Variants in SYN2 observed in about 807,000 individuals in gnomAD.
SYN2 encodes the protein synapsin-2.
A neutral mutation model predicts 50.9 loss-of-function variants in SYN2; 19 were observed. That is an observed-to-expected ratio of 0.37 (90% CI 0.26 to 0.55). The LOEUF (loss-of-function observed/expected upper bound fraction) is 0.55. SYN2 is among the 20% of genes least tolerant of loss of function. The pLI is 0.81. For synonymous variants in SYN2, 255 were observed against 224.9 expected (o/e 1.13, Z -1.20); for missense variants, 587 against 576.4 (o/e 1.02, Z -0.19).
intron 1 of SYN2, among the ~76,000 whole-genome samples, chr3:12,009,257 G>GT (rs1419045727): frequency 6.6e-6 from 1 of 152,074 alleles, no homozygotes; most frequent in East Asian, 1.9e-4. Context: ...GAGAGGGGAT[G>GT]TGGCTTGTTC....
chr3:12,068,498 C>T (rs1413915011), intron 1 of SYN2, among the ~76,000 whole-genome samples: 1 of 152,160 alleles, frequency 6.6e-6, no homozygotes, highest in East Asian at 1.9e-4. Flanking sequence ...TTTTGCTTGA[C>T]TCTCTGGAGC....
At chr3:12,122,111 T>C (rs1174514158) in intron 1 of SYN2, among the ~76,000 whole-genome samples, 1 of 152,226 alleles carries the variant, frequency 6.6e-6, no homozygotes, top group East Asian at 1.9e-4. Flanking sequence ...TCTAGATGAA[T>C]GACCGAACAA....
chr3:12,023,335 A>C (rs1694185725), intron 1 of SYN2, among the ~76,000 whole-genome samples: 1 of 152,078 alleles, frequency 6.6e-6, no homozygotes, highest in African/African-American at 2.4e-5. Context: ...TTTGAAGGTG[A>C]AATTGAAGTT....
intron 1 of SYN2, chr3:12,070,330 AG>A: frequency 2.0e-6 from 1 of 504,122 alleles, no homozygotes. Flanking sequence ...CTCCATCCTT[AG>A]GCGCCCCTGG....
intron 4 of SYN2, among the ~76,000 whole-genome samples, chr3:12,146,990 A>G (rs752606253): frequency 3.9e-5 from 6 of 152,122 alleles, no homozygotes. Context: ...CCCTTCCCCC[A>G]GGTAAAAGGC....
chr3:12,184,326 G>A (rs1698293247), intron 11 of SYN2: 2 of 985,754 alleles, frequency 2.0e-6, no homozygotes, highest in African/African-American at 1.7e-5. Flanking sequence ...CCAGCCATGT[G>A]TGCGCTTGTG....
intron 4 of SYN2, among the ~76,000 whole-genome samples, chr3:12,147,106 G>A (rs1018037925): frequency 1.3e-5 from 2 of 152,118 alleles, no homozygotes; most frequent in South Asian, 2.1e-4. Flanking sequence ...GCTGTCACAC[G>A]CCCTGGATTG....
At chr3:12,057,813 A>C (rs1695027539) in intron 1 of SYN2, among the ~76,000 whole-genome samples, 1 of 152,344 alleles carries the variant, frequency 6.6e-6, no homozygotes, top group Middle Eastern at 3.4e-3. Flanking sequence ...ATACTTAAAA[A>C]TAAACATGTA....
chr3:12,184,306 G>A, intron 11 of SYN2: 1 of 985,246 alleles, frequency 1.0e-6, no homozygotes, highest in Non-Finnish European at 1.2e-6. Flanking sequence ...CATTGTTGCT[G>A]TTTCTGGATC....
intron 1 of SYN2, among the ~76,000 whole-genome samples, chr3:12,065,631 A>G (rs963966037): frequency 6.6e-5 from 10 of 152,138 alleles, no homozygotes; most frequent in Non-Finnish European, 1.0e-4. Flanking sequence ...TTCTCACTTA[A>G]CAAGTGGGAG....
chr3:12,100,077 G>A (rs569061035), intron 1 of SYN2, among the ~76,000 whole-genome samples: 1 of 151,720 alleles, frequency 6.6e-6, no homozygotes, highest in Admixed American at 6.6e-5. Context: ...CTATGTCAAA[G>A]TGGATTTGAT....
At chr3:12,038,779 C>G (rs1694554087) in intron 1 of SYN2, among the ~76,000 whole-genome samples, 2 of 152,088 alleles carry the variant, frequency 1.3e-5, no homozygotes, top group Admixed American at 1.3e-4. Context: ...CCTTGCTGAA[C>G]TCATTTATTA....
intron 6 of SYN2, 30 bp downstream of exon 6, chr3:12,161,638 G>A: frequency 6.2e-7 from 1 of 1,613,594 alleles, no homozygotes; most frequent in Non-Finnish European, 8.5e-7. Flanking sequence ...TGTGCTTCAG[G>A]GTTGAACCAA....
At chr3:12,153,208 A>C (rs949050753) in intron 5 of SYN2, 7 of 458,598 alleles carry the variant, frequency 1.5e-5, no homozygotes, top group African/African-American at 1.4e-4. Flanking sequence ...GACAAAGGAA[A>C]ACACATATTC....
At chr3:12,101,918 A>T (rs1669528414) in intron 1 of SYN2, among the ~76,000 whole-genome samples, 1 of 152,176 alleles carries the variant, frequency 6.6e-6, no homozygotes, top group Non-Finnish European at 1.5e-5. Context: ...GATTAGTCAG[A>T]CACAGTCTCT....
At chr3:12,011,469 T>A (rs1693911196) in intron 1 of SYN2, among the ~76,000 whole-genome samples, 1 of 152,204 alleles carries the variant, frequency 6.6e-6, no homozygotes, top group Non-Finnish European at 1.5e-5. Context: ...GTGCCTGAAC[T>A]CTAAGGATGT....
At chr3:12,028,570 A>C (rs1694316744) in intron 1 of SYN2, among the ~76,000 whole-genome samples, 1 of 147,180 alleles carries the variant, frequency 6.8e-6, no homozygotes, top group South Asian at 2.1e-4. Context: ...TTGCCATTCT[A>C]ACTGGTGTGA....
At chr3:12,007,021 A>G (rs1693815919) in intron 1 of SYN2, among the ~76,000 whole-genome samples, 1 of 152,214 alleles carries the variant, frequency 6.6e-6, no homozygotes, top group African/African-American at 2.4e-5. Flanking sequence ...TCTTATTGCC[A>G]GTTAGGTATC....
intron 5 of SYN2, 81 bp downstream of exon 5, chr3:12,151,407 A>C (rs1203689790): frequency 8.9e-6 from 10 of 1,121,606 alleles, no homozygotes; most frequent in African/African-American, 1.5e-5. Context: ...GGGCTCTGAA[A>C]AGGGCCTCAG....
Sources: gnomAD v4.1 joint callset for allele counts (sites outside exome capture counted in the v4.1 genomes callset) on GRCh38, gnomAD v4.1.1 for gene constraint, MANE v1.5 for transcripts, NCBI Gene and HGNC (gene_info 2026-07-23, HGNC 2026-07-21) for gene names.